Variants in TMOD2 observed in about 807,000 individuals in gnomAD.
TMOD2 encodes tropomodulin-2.
TMOD2 carries 22 observed loss-of-function variants against 39.9 expected under a neutral mutation model. The observed-to-expected ratio is 0.55, with a 90% CI of 0.39 to 0.79. The LOEUF (loss-of-function observed/expected upper bound fraction) is 0.79. Among genes scored for constraint, TMOD2 ranks in the 30% least tolerant of loss-of-function variants. The pLI is 0.00. For missense variants in TMOD2, 386 were observed against 413.3 expected (o/e 0.93, Z 0.57); for synonymous variants, 123 against 146.1 (o/e 0.84, Z 1.14).
rs1023371994 is a variant in TMOD2 at position 51,809,003 on chromosome 15, G to A, written c.*549G>A. 2 of 152,628 alleles carry A rather than the reference G, an allele frequency of 1.3e-5. No individual in the cohort carries two copies. The highest frequency in any genetic ancestry group is 4.8e-5 in the African/African-American group (2 of 41,450). The allele number at this position is 152,628 out of a possible 1,614,324, so 9.5% of individuals were successfully genotyped here. A position where few individuals can be genotyped will look rare whatever the true frequency, so the allele number is the denominator to read the frequency against. Reference sequence around the variant, plus strand: ...AAAAATCAGTAAATGCACATGCCCTGTTGATTGGAGATCAGTAGTGTCATC... The same window carrying A: ...AAAAATCAGTAAATGCACATGCCCTATTGATTGGAGATCAGTAGTGTCATC... On this transcript the variant is annotated 3_prime_UTR_variant, in exon 10 of 10. Coordinates refer to ENST00000249700, the MANE Select transcript of TMOD2 (RefSeq NM_014548.4).
At chr15:51,791,937 T>C (rs1010477445) in intron 7 of TMOD2, among the ~76,000 whole-genome samples, 6 of 152,120 alleles carry the variant, frequency 3.9e-5, no homozygotes, top group Non-Finnish European at 7.3e-5. Context: ...ATTCAGGACA[T>C]AGGCATGGGC....
At chr15:51,776,838 G>A in intron 4 of TMOD2, 94 bp from the exon 5 acceptor site, 2 of 989,048 alleles carry the variant, frequency 2.0e-6, no homozygotes, top group Non-Finnish European at 3.2e-6. Flanking sequence ...TTATCTTTAT[G>A]ATGTAAAGAA....
At chr15:51,805,440 A>G (rs1309367488) in intron 8 of TMOD2, among the ~76,000 whole-genome samples, 1 of 152,124 alleles carries the variant, frequency 6.6e-6, no homozygotes, top group East Asian at 1.9e-4. Context: ...AACCACAATA[A>G]AGCTGCTCAG....
intron 1 of TMOD2, among the ~76,000 whole-genome samples, chr15:51,763,218 C>T (rs368445326): frequency 3.1e-4 from 47 of 152,324 alleles, no homozygotes; most frequent in African/African-American, 1.1e-3. Flanking sequence ...GGACTACAGG[C>T]GTGAGCCACT....
intron 6 of TMOD2, 99 bp downstream of exon 6, chr15:51,781,273 C>A: frequency 8.9e-7 from 1 of 1,129,774 alleles, no homozygotes; most frequent in South Asian, 1.7e-5. Context: ...GTTTGCAGTT[C>A]TTTGTAGTCA....
At chr15:51,782,897 C>A in intron 7 of TMOD2, 69 bp downstream of exon 7, 1 of 1,429,544 alleles carries the variant, frequency 7.0e-7, no homozygotes, top group Non-Finnish European at 9.7e-7. Context: ...TACTTTGTTT[C>A]ATTAGCTAAC....
At chr15:51,770,812 T>TAATA (rs967553635) in intron 3 of TMOD2, among the ~76,000 whole-genome samples, 4 of 151,890 alleles carry the variant, frequency 2.6e-5, no homozygotes, top group East Asian at 1.9e-4. Flanking sequence ...TCCAAAAAAA[T>TAATA]AATAAATAAA....
At position 51,813,853 on chromosome 15, in the gene TMOD2, C is replaced by T. The variant is rs773624376; in HGVS notation, c.*5399C>T. On this transcript the variant is annotated 3_prime_UTR_variant, in exon 10 of 10. Transcript: ENST00000249700. ...AAAGCGCCGTACAAATGTGAGAGAT[C>T]AGTTTTATTATCAAATCACTGTTTT... 6.6e-6 allele frequency: 1 copy of T among 152,156 alleles called. No individual in the cohort carries two copies. Among genetic ancestry groups the T allele is most frequent in the Non-Finnish European group, 1.5e-5 (1 of 68,026 alleles). 9.4% of individuals were successfully genotyped at this position (152,156 alleles called of 1,614,324 possible).
At chr15:51,779,602 C>G (rs1455417832) in intron 5 of TMOD2, among the ~76,000 whole-genome samples, 6 of 151,988 alleles carry the variant, frequency 3.9e-5, no homozygotes, top group South Asian at 2.1e-4. Context: ...CCAGGATGGT[C>G]TCGATCTCCT....
At chr15:51,804,382 A>G (rs2056108670) in intron 8 of TMOD2, among the ~76,000 whole-genome samples, 1 of 152,252 alleles carries the variant, frequency 6.6e-6, no homozygotes, top group African/African-American at 2.4e-5. Context: ...TAATGTGAAA[A>G]AAAGCATAGA....
At position 51,815,285 on chromosome 15, in the gene TMOD2, C is replaced by G. The variant is rs2056182346; in HGVS notation, c.*6831C>G. 1 of 154,294 alleles carries G rather than the reference C, an allele frequency of 6.5e-6. No individual in the cohort carries two copies. Among genetic ancestry groups the G allele is most frequent in the Non-Finnish European group, 1.4e-5 (1 of 69,812 alleles). The allele number at this position is 154,294 out of a possible 1,614,324, so 9.6% of individuals were successfully genotyped here. On this transcript the variant is annotated 3_prime_UTR_variant, in exon 10 of 10. Transcript: ENST00000249700. The stretch of plus-strand genomic sequence containing the variant: ...CTCAAAAAATAAAATAAAATATATA[C>G]TATCTTGCTCCTCAGAACCAGTGGG...
chr15:51,787,593 C>T (rs1036891730), intron 7 of TMOD2, among the ~76,000 whole-genome samples: 1 of 152,222 alleles, frequency 6.6e-6, no homozygotes, highest in Admixed American at 6.5e-5. Context: ...GGAGACACCT[C>T]CCAGTAGGGG....
chr15:51,788,037 C>T (rs1282524761), intron 7 of TMOD2, among the ~76,000 whole-genome samples: 2 of 152,110 alleles, frequency 1.3e-5, no homozygotes, highest in African/African-American at 2.4e-5. Flanking sequence ...TTCAGAAGGT[C>T]GGTAATAACA....
chr15:51,765,881 A>T (rs1762456069), intron 1 of TMOD2, among the ~76,000 whole-genome samples: 1 of 152,232 alleles, frequency 6.6e-6, no homozygotes, highest in Non-Finnish European at 1.5e-5. Context: ...CTCGTTCCTG[A>T]ATGAATCCCA....
chr15:51,791,491 AT>A (rs1292948434), intron 7 of TMOD2, among the ~76,000 whole-genome samples: 3 of 152,226 alleles, frequency 2.0e-5, no homozygotes, highest in Non-Finnish European at 4.4e-5. Flanking sequence ...TCTTCACAGA[AT>A]TGGAAAAAAC....
rs117101743 is a variant in TMOD2 at position 51,772,033 on chromosome 15, T to C, written c.284-1679T>C. ...CAGCTCTGACACACTCCTGTTTGCT[T>C]ATCCAGCCATTTAACAATATGGTAA... On this transcript the variant is annotated intron_variant, in intron 3 of 9. Coordinates refer to ENST00000249700, the MANE Select transcript of TMOD2 (RefSeq NM_014548.4). Among the ~76,000 whole-genome samples, 263 of 152,304 alleles carry C rather than the reference T, an allele frequency of 1.7e-3. 11 individuals are homozygous for C. Among genetic ancestry groups the C allele is most frequent in the East Asian group, 0.017 (88 of 5,188 alleles).
Position 51,812,907 on chromosome 15 carries a change from C to G in TMOD2, c.*4453C>G, listed in dbSNP as rs1381821801. 1 of 152,164 alleles carries G rather than the reference C, an allele frequency of 6.6e-6. No homozygotes were observed. The highest frequency in any genetic ancestry group is 2.4e-5 in the African/African-American group (1 of 41,434). The allele number at this position is 152,164 out of a possible 1,614,324, so 9.4% of individuals were successfully genotyped here. Reference sequence around the variant, plus strand: ...CTTATTGCTTTCATCTCAAATATCCCTGCTACTCAACCAATCCTAAAGCTA... The same window carrying G: ...CTTATTGCTTTCATCTCAAATATCCGTGCTACTCAACCAATCCTAAAGCTA... On this transcript the variant is annotated 3_prime_UTR_variant, in exon 10 of 10. Transcript: ENST00000249700.
intron 3 of TMOD2, among the ~76,000 whole-genome samples, chr15:51,770,438 G>C (rs1277082957): frequency 6.6e-6 from 1 of 151,908 alleles, no homozygotes; most frequent in African/African-American, 2.4e-5. Flanking sequence ...TTTTATCCTG[G>C]CACAGCAACT....
At chr15:51,768,622 G>A (rs2055833536) in intron 3 of TMOD2, among the ~76,000 whole-genome samples, 1 of 152,108 alleles carries the variant, frequency 6.6e-6, no homozygotes, top group African/African-American at 2.4e-5. Context: ...CAAGGGAACT[G>A]TCCGGGAAAT....
Sources: gnomAD v4.1 joint callset for allele counts (sites outside exome capture counted in the v4.1 genomes callset) on GRCh38, gnomAD v4.1.1 for gene constraint, MANE v1.5 for transcripts, NCBI Gene and HGNC (gene_info 2026-07-23, HGNC 2026-07-21) for gene names.